The following GATB variants were observed in gnomAD, a reference collection of about 807,000 sequenced individuals.
The protein encoded by GATB is glutamyl-tRNA amidotransferase subunit B.
GATB carries 39 observed loss-of-function variants against 62.3 expected under a neutral mutation model. The observed-to-expected ratio is 0.63, with a 90% CI of 0.48 to 0.82. GATB has a LOEUF of 0.82. GATB is among the 40% of genes least tolerant of loss of function. The pLI is 0.00. For missense variants in GATB, 670 were observed against 684.0 expected, an observed-to-expected ratio of 0.98 and a Z score of 0.23; for synonymous variants, 276 against 258.9, an observed-to-expected ratio of 1.07 and a Z score of -0.63.
chr4:151,753,417 C>A (rs192532251), intron 2 of GATB, among the ~76,000 whole-genome samples: 194 of 152,308 alleles, frequency 1.3e-3, no homozygotes, highest in Non-Finnish European at 2.3e-3. Context: ...CCTGCAGGCA[C>A]TTAGGTCACA....
intron 2 of GATB, among the ~76,000 whole-genome samples, chr4:151,725,716 A>G (rs1490484530): frequency 1.3e-5 from 2 of 152,278 alleles, no homozygotes; most frequent in Admixed American, 1.3e-4. Flanking sequence ...CTAGGATTTT[A>G]GTACTTTTAT....
intron 2 of GATB, among the ~76,000 whole-genome samples, chr4:151,731,931 C>T (rs1375726148): frequency 2.6e-5 from 4 of 151,002 alleles, no homozygotes; most frequent in South Asian, 2.1e-4. Context: ...CAGCCCCCGC[C>T]GGGCCAGCCG....
intron 1 of GATB, 129 bp from the exon 2 acceptor site, chr4:151,759,051 TTAAAAA>T (rs1739897828): frequency 1.8e-6 from 1 of 551,030 alleles, no homozygotes; most frequent in African/African-American, 2.0e-5. Context: ...TATCCTCACA[TTAAAAA>T]TGTGTCATAT....
intron 5 of GATB, among the ~76,000 whole-genome samples, chr4:151,710,711 A>G (rs565200655): frequency 2.0e-5 from 3 of 152,126 alleles, no homozygotes; most frequent in Non-Finnish European, 4.4e-5. Context: ...TTTTGCTCCC[A>G]GTTTTCGTCC....
Position 151,671,253 on chromosome 4 carries a change from C to T in GATB, c.1595G>A (p.Gly532Glu). The change falls in exon 13 of 13, where the codon GGG becomes GAG. Residue 532 changes from glycine (G) to glutamate (E), a missense_variant. Physicochemically the swap from Gly to Glu is moderately conservative, Grantham distance 98 (BLOSUM62 -2). Coordinates refer to ENST00000263985, the MANE Select transcript of GATB (RefSeq NM_004564.3). ...RNPRAINKLI[G>E]LVRKATQSRA... ...GCTTTGAGTCGCTTTCCGGACCAAC[C>T]CAATCAGTTTATTTATAGCTCTGGG... 2 of 1,613,932 alleles carry T rather than the reference C, an allele frequency of 1.2e-6. No homozygotes were observed. The highest frequency in any genetic ancestry group is 1.7e-6 in the Non-Finnish European group (2 of 1,179,874).
chr4:151,725,266 T>C (rs897873526), intron 2 of GATB, among the ~76,000 whole-genome samples: 6 of 152,244 alleles, frequency 3.9e-5, no homozygotes, highest in African/African-American at 1.4e-4. Flanking sequence ...CCTGCTGGCC[T>C]AACCCAGCCA....
At chr4:151,681,580 A>G (rs1411374859) in intron 10 of GATB, among the ~76,000 whole-genome samples, 2 of 152,238 alleles carry the variant, frequency 1.3e-5, no homozygotes, top group South Asian at 2.1e-4. Context: ...TGCAGAACCC[A>G]TAAGAAGCAC....
chr4:151,722,058 G>T lies in GATB; in HGVS notation c.328-2520C>A. On this transcript the variant is annotated intron_variant, in intron 2 of 12. Transcript: ENST00000263985. ...TCATCACACGTTACAGATGCACAGAGGGCCCAGTAAACAGAGAGTGTCAGT... is the reference window on the plus strand; with the variant it reads ...TCATCACACGTTACAGATGCACAGATGGCCCAGTAAACAGAGAGTGTCAGT... The T allele has an allele frequency of 1.3e-5, 8 of 622,456 alleles. No individual in the cohort carries two copies. In the South Asian group the frequency reaches 1.6e-4, roughly 12 times the overall value. The allele number at this position is 622,456 out of a possible 1,614,324, so 38.6% of individuals were successfully genotyped here.
At chr4:151,683,062 C>T (rs1200613285) in intron 10 of GATB, among the ~76,000 whole-genome samples, 3 of 152,168 alleles carry the variant, frequency 2.0e-5, no homozygotes, top group African/African-American at 4.8e-5. Context: ...CTTTCCACTC[C>T]TCCGAACCAA....
At position 151,758,884 on chromosome 4, in the gene GATB, T is replaced by C; in HGVS notation, c.215A>G (p.His72Arg). The C allele has an allele frequency of 6.2e-7, 1 of 1,611,294 alleles. No homozygotes were observed. Among genetic ancestry groups the C allele is most frequent in the East Asian group, 2.2e-5 (1 of 44,782 alleles). Residue 72 changes from histidine (H) to arginine (R), a missense_variant, in exon 2 of 13, where the codon CAT becomes CGT. Coordinates refer to ENST00000263985, the MANE Select transcript of GATB (RefSeq NM_004564.3). ...TTTAGAGTTGGAGGAAATCTGGGCATGAATTTCCAAACCTACCACAGCAGC... is the reference window on the plus strand; with the variant it reads ...TTTAGAGTTGGAGGAAATCTGGGCACGAATTTCCAAACCTACCACAGCAGC... ...KWAAVVGLEI[H>R]AQISSNSKLF...
At chr4:151,673,252 T>G (rs1560838250) in intron 11 of GATB, 58 of 148,296 alleles carry the variant, frequency 3.9e-4, no homozygotes, top group South Asian at 8.9e-4. Context: ...TGACTCCACA[T>G]GGCGGGGGGG....
At chr4:151,734,878 C>T (rs1022064663) in intron 2 of GATB, among the ~76,000 whole-genome samples, 1 of 152,170 alleles carries the variant, frequency 6.6e-6, no homozygotes, top group East Asian at 1.9e-4. Flanking sequence ...TGGTTAGCCA[C>T]ATGTAGCAGA....
chr4:151,726,949 C>G (rs747401262), intron 2 of GATB, among the ~76,000 whole-genome samples: 8 of 152,160 alleles, frequency 5.3e-5, no homozygotes, highest in Non-Finnish European at 1.0e-4. Flanking sequence ...CAAGGTCTTA[C>G]TCTGTCGTCC....
At chr4:151,688,212 C>T (rs902665043) in intron 10 of GATB, among the ~76,000 whole-genome samples, 34 of 152,124 alleles carry the variant, frequency 2.2e-4, no homozygotes, top group African/African-American at 6.5e-4. Flanking sequence ...ATGGCTCAAA[C>T]GTCCCCTCCC....
intron 5 of GATB, among the ~76,000 whole-genome samples, chr4:151,713,327 C>A (rs780932515): frequency 6.6e-6 from 1 of 152,142 alleles, no homozygotes; most frequent in Non-Finnish European, 1.5e-5. Context: ...CGCCTTCGGC[C>A]CCCCAAGTCC....
At chr4:151,716,279 T>A in intron 4 of GATB, 148 bp from the exon 5 acceptor site, 73 of 260,862 alleles carry the variant, frequency 2.8e-4, no homozygotes, top group East Asian at 3.6e-4. Context: ...CCTCCCACCT[T>A]TTTTTTTTTT....
intron 9 of GATB, among the ~76,000 whole-genome samples, chr4:151,696,364 C>T (rs1294217796): frequency 2.6e-5 from 4 of 152,178 alleles, no homozygotes; most frequent in African/African-American, 9.7e-5. Flanking sequence ...CTGTACAAAA[C>T]GCTAGTGGCA....
At chr4:151,724,785 T>A (rs772409405) in intron 2 of GATB, among the ~76,000 whole-genome samples, 35 of 152,132 alleles carry the variant, frequency 2.3e-4, no homozygotes, top group Non-Finnish European at 3.7e-4. Flanking sequence ...GGGAACACAC[T>A]GTTTCCCCAA....
intron 2 of GATB, among the ~76,000 whole-genome samples, chr4:151,749,759 C>G (rs1027315362): frequency 6.6e-6 from 1 of 152,172 alleles, no homozygotes; most frequent in Non-Finnish European, 1.5e-5. Flanking sequence ...ATCTTCCCCT[C>G]GGGTTACAGT....
Sources: gnomAD v4.1 joint callset for allele counts (sites outside exome capture counted in the v4.1 genomes callset) on GRCh38, gnomAD v4.1.1 for gene constraint, MANE v1.5 for transcripts, NCBI Gene and HGNC (gene_info 2026-07-23, HGNC 2026-07-21) for gene names.